Variants in ZNF438 observed in about 807,000 individuals in gnomAD.
ZNF438 encodes the protein zinc finger protein 438.
ZNF438 carries 25 observed loss-of-function variants against 38.0 expected under a neutral mutation model. The observed-to-expected ratio is 0.66, with a 90% CI of 0.48 to 0.92. The LOEUF is 0.92. Ranked by LOEUF, ZNF438 falls within the 40% of genes least tolerant of loss-of-function variation. ZNF438 has a pLI of 0.00. For missense variants in ZNF438, 1,007 were observed against 999.6 expected, an observed-to-expected ratio of 1.01 and a Z score of -0.10; for synonymous variants, 372 against 364.1, an observed-to-expected ratio of 1.02 and a Z score of -0.25.
At chr10:30,961,202 C>G (rs1377242485) in intron 1 of ZNF438, among the ~76,000 whole-genome samples, 1 of 134,570 alleles carries the variant, frequency 7.4e-6, no homozygotes, top group Admixed American at 7.6e-5. Context: ...CTAACCTGCA[C>G]AATGCGCACA....
At chr10:30,991,594 G>A (rs1244492194) in intron 1 of ZNF438, among the ~76,000 whole-genome samples, 1 of 152,186 alleles carries the variant, frequency 6.6e-6, no homozygotes, top group Non-Finnish European at 1.5e-5. Flanking sequence ...TACCTGTGGG[G>A]AGATGCAGAC....
intron 1 of ZNF438, among the ~76,000 whole-genome samples, chr10:30,963,174 C>T (rs567202436): frequency 1.3e-4 from 20 of 151,458 alleles, no homozygotes; most frequent in Admixed American, 3.3e-4. Context: ...GGCAGATCAC[C>T]TGAAGTCAGG....
chr10:30,887,477 CTCCCGGGTT>C (rs200130857), intron 3 of ZNF438, among the ~76,000 whole-genome samples: 19,079 of 152,142 alleles, frequency 0.13, 1,592 homozygotes, highest in Middle Eastern at 0.24. Context: ...CCTCCTCCGG[CTCCCGGGTT>C]CAAGCGATTC....
intron 1 of ZNF438, among the ~76,000 whole-genome samples, chr10:30,949,414 T>C (rs1294713791): frequency 6.6e-6 from 1 of 152,180 alleles, no homozygotes; most frequent in African/African-American, 2.4e-5. Context: ...TAACTTTAAA[T>C]GTAAATGGAC....
At chr10:30,882,236 A>G (rs1055299646) in intron 3 of ZNF438, among the ~76,000 whole-genome samples, 1 of 152,216 alleles carries the variant, frequency 6.6e-6, no homozygotes, top group African/African-American at 2.4e-5. Context: ...TGGGCTAAAG[A>G]GGTGAACATA....
intron 2 of ZNF438, among the ~76,000 whole-genome samples, chr10:30,930,716 C>G (rs182963837): frequency 1.2e-3 from 178 of 142,608 alleles, no homozygotes; most frequent in African/African-American, 4.4e-3. Flanking sequence ...CTGAGGCAGG[C>G]GAAAAGCTTG....
intron 1 of ZNF438, among the ~76,000 whole-genome samples, chr10:30,944,333 T>C (rs2135571821): frequency 6.6e-6 from 1 of 152,334 alleles, no homozygotes; most frequent in South Asian, 2.1e-4. Context: ...TGTACTCTTT[T>C]ACCTAGTTTC....
intron 1 of ZNF438, among the ~76,000 whole-genome samples, chr10:30,950,684 C>T (rs1186061130): frequency 6.9e-6 from 1 of 144,606 alleles, no homozygotes; most frequent in Non-Finnish European, 1.5e-5. Context: ...TACACTCTCC[C>T]AAGACTAAAC....
chr10:30,896,951 G>A (rs1589072285), intron 3 of ZNF438, among the ~76,000 whole-genome samples: 1 of 152,178 alleles, frequency 6.6e-6, no homozygotes, highest in African/African-American at 2.4e-5. Flanking sequence ...GGTGTTTTAT[G>A]TGGCAAGTCT....
At chr10:31,011,938 C>T (rs2055741936) in intron 1 of ZNF438, among the ~76,000 whole-genome samples, 1 of 152,140 alleles carries the variant, frequency 6.6e-6, no homozygotes, top group African/African-American at 2.4e-5. Context: ...CTCCTCCTCA[C>T]TCACGCTCCC....
chr10:30,974,213 C>T (rs919141281), intron 1 of ZNF438, among the ~76,000 whole-genome samples: 1 of 152,200 alleles, frequency 6.6e-6, no homozygotes, highest in African/African-American at 2.4e-5. Context: ...GGTGCAGGTG[C>T]TCAGGCCTAT....
rs543061668 is a variant in ZNF438, at chr10:30,844,807, G to T, written c.*154C>A. On this transcript the variant is annotated 3_prime_UTR_variant, in exon 6 of 6. Coordinates refer to ENST00000413025, the Ensembl canonical transcript of ZNF438. ...GCTTCGAGAGCTTATATTTTATTTC[G>T]TTAAGAAAATAAAACCATGTACAAA... 8.3e-6 allele frequency: 8 copies of T among 968,462 alleles called. No individual in the cohort carries two copies. In the African/African-American group the frequency reaches 1.3e-4, roughly 16 times the overall value. The allele number at this position is 968,462 out of a possible 1,614,324, so 60.0% of individuals were successfully genotyped here.
chr10:30,848,770 T>A (rs775426827), exon 5 of ZNF438: 1 of 1,614,242 alleles, frequency 6.2e-7, no homozygotes, highest in Non-Finnish European at 8.5e-7. Context: ...TGCCAGGACG[T>A]ACATAGGACT....
In ZNF438 at chr10:31,031,639, G is replaced by GCCTCGCCT. The variant is rs1245070110; in HGVS notation, c.-192+186_-192+193dup. On this transcript the variant is annotated intron_variant, in intron 1 of 5. Coordinates refer to ENST00000413025, the Ensembl canonical transcript of ZNF438. ...TGCTGGCCCGGCCCCACGGGGCGCG[G>GCCTCGCCT]CCTCGCCTCCCGCACCCCAGGTCCC... 2.6e-5 allele frequency among the ~76,000 whole-genome samples: 4 copies of GCCTCGCCT among 152,044 alleles called. No homozygotes were observed. In the East Asian group the frequency reaches 7.8e-4, roughly 30 times the overall value.
intron 1 of ZNF438, among the ~76,000 whole-genome samples, chr10:30,978,436 C>T (rs977528326): frequency 3.3e-5 from 5 of 151,958 alleles, no homozygotes; most frequent in African/African-American, 9.7e-5. Context: ...ATTTGTGTAC[C>T]AGGGTTTTTT....
chr10:31,021,883 T>C (rs2056620457), intron 1 of ZNF438, among the ~76,000 whole-genome samples: 1 of 152,152 alleles, frequency 6.6e-6, no homozygotes, highest in South Asian at 2.1e-4. Flanking sequence ...AGAGCAATCA[T>C]TGAAGTTGAT....
chr10:30,896,295 C>CAAAAAAA (rs56673889), intron 3 of ZNF438, among the ~76,000 whole-genome samples: 18 of 107,022 alleles, frequency 1.7e-4, no homozygotes, highest in East Asian at 5.9e-4. Context: ...GACTCCATCT[C>CAAAAAAA]AAAAAAAAAA....
chr10:30,957,958 C>T (rs2049047479), intron 1 of ZNF438, among the ~76,000 whole-genome samples: 1 of 146,420 alleles, frequency 6.8e-6, no homozygotes, highest in Non-Finnish European at 1.5e-5. Flanking sequence ...CCTTCCTGTG[C>T]CTGGATATTT....
Position 30,877,543 on chromosome 10 carries a change from G to T in ZNF438, c.-31-478C>A, listed in dbSNP as rs538492404. 3.9e-5 allele frequency among the ~76,000 whole-genome samples: 6 copies of T among 152,260 alleles called. No homozygotes were observed. In the East Asian group the frequency reaches 9.6e-4, roughly 24 times the overall value. Reference sequence around the variant, plus strand: ...AAAATGTTAATGATGCGATGCACTGGATAAACATGGATGAACATGCTAAAT... The same window carrying T: ...AAAATGTTAATGATGCGATGCACTGTATAAACATGGATGAACATGCTAAAT... On this transcript the variant is annotated intron_variant, in intron 3 of 5. Coordinates refer to ENST00000413025, the Ensembl canonical transcript of ZNF438.
Sources: gnomAD v4.1 joint callset for allele counts (sites outside exome capture counted in the v4.1 genomes callset) on GRCh38, gnomAD v4.1.1 for gene constraint, MANE v1.5 for transcripts, NCBI Gene and HGNC (gene_info 2026-07-23, HGNC 2026-07-21) for gene names.